CYP20A1: variants seen among roughly 807,000 people sequenced by gnomAD.
CYP20A1 encodes cytochrome P450 family 20 subfamily A member 1, also known as cytochrome P450 20A1.
A neutral mutation model predicts 61.4 loss-of-function variants in CYP20A1; 61 were observed. That is an observed-to-expected ratio of 0.99 (90% CI 0.81 to 1.23). CYP20A1 has a LOEUF of 1.23. Ranked by LOEUF, CYP20A1 falls within the 50% of genes most tolerant of loss-of-function variation. The pLI is 0.00. For missense variants in CYP20A1, 530 were observed against 542.4 expected (o/e 0.98, Z 0.23); for synonymous variants, 193 against 188.2 (o/e 1.03, Z -0.21).
At position 203,296,561 on chromosome 2, in the gene CYP20A1, G is replaced by A. The variant is rs1434148067; in HGVS notation, c.1236G>A (p.Leu412=). ...GFSGTQECPE[L]RFAYMVTTVL... is the part of the protein sequence containing the mutation. ...CAGGCACACAGGAGTGTCCAGAGTT[G>A]AGGTGAATAATAGAATGCCAGACTC... is the stretch of plus-strand genomic sequence containing the variant. Residue 412 remains leucine, a splice_region_variant and synonymous_variant, in exon 12 of 13, where the codon TTG becomes TTA. Coordinates refer to ENST00000356079, the MANE Select transcript of CYP20A1 (RefSeq NM_177538.3). The A allele has an allele frequency of 1.9e-6, 3 of 1,605,390 alleles. No individual in the cohort carries two copies. The East Asian group carries it at 6.7e-5, about 36-fold the overall frequency.
rs1216699078 is a variant in CYP20A1 at position 203,303,332 on chromosome 2, G to GT, written c.*6428dup. 7.2e-5 allele frequency among the ~76,000 whole-genome samples: 11 copies of GT among 151,946 alleles called. No individual in the cohort carries two copies. Among genetic ancestry groups the GT allele is most frequent in the African/African-American group, 2.7e-4 (11 of 41,374 alleles). On this transcript the variant is annotated 3_prime_UTR_variant, in exon 13 of 13. Coordinates refer to ENST00000356079, the MANE Select transcript of CYP20A1 (RefSeq NM_177538.3). ...TTTTTTGTGTTTTTAGTGGAGACAG[G>GT]TTTTCACCATGTTGGCCAGTAGTGT...
At chr2:203,291,126 G>A (rs2068515670) in intron 10 of CYP20A1, among the ~76,000 whole-genome samples, 1 of 152,068 alleles carries the variant, frequency 6.6e-6, no homozygotes, top group Non-Finnish European at 1.5e-5. Flanking sequence ...AGGCTGGAGT[G>A]CAGTGGTGTG....
intron 1 of CYP20A1, among the ~76,000 whole-genome samples, chr2:203,243,503 G>A (rs2066335221): frequency 6.6e-6 from 1 of 151,802 alleles, no homozygotes; most frequent in South Asian, 2.1e-4. Flanking sequence ...TCCCGCCTCA[G>A]CCTCCTGAGT....
chr2:203,255,046 T>TTA (rs1434195511), intron 4 of CYP20A1, among the ~76,000 whole-genome samples: 18 of 152,178 alleles, frequency 1.2e-4, no homozygotes, highest in African/African-American at 4.1e-4. Flanking sequence ...GAATCTCTAA[T>TTA]GTCAATTTTA....
chr2:203,285,547 T>C lies in CYP20A1; in HGVS notation c.851-65T>C. 6 of 1,419,026 alleles carry C rather than the reference T, an allele frequency of 4.2e-6. No homozygotes were observed. In the South Asian group the frequency reaches 1.1e-4, roughly 27 times the overall value. 87.9% of individuals were successfully genotyped at this position (1,419,026 alleles called of 1,614,324 possible). On this transcript the variant is annotated intron_variant, in intron 8 of 12. Transcript: ENST00000356079. Reference sequence around the variant, plus strand: ...TCCCACCCTAAATAAGTAGTTTTTTTCTTATTCTATACCCAAGCCATGAGT... The same window carrying C: ...TCCCACCCTAAATAAGTAGTTTTTTCCTTATTCTATACCCAAGCCATGAGT...
chr2:203,268,067 T>A (rs1223883918), intron 5 of CYP20A1, among the ~76,000 whole-genome samples: 1 of 152,220 alleles, frequency 6.6e-6, no homozygotes, highest in African/African-American at 2.4e-5. Flanking sequence ...TACATCTTGC[T>A]CCACATGCTT....
At chr2:203,277,806 G>A (rs2067886688) in intron 6 of CYP20A1, among the ~76,000 whole-genome samples, 2 of 152,022 alleles carry the variant, frequency 1.3e-5, no homozygotes, top group Admixed American at 6.6e-5. Context: ...GAGCCACTGC[G>A]CCCAGCCTCT....
At chr2:203,294,723 C>T (rs983565313) in intron 11 of CYP20A1, among the ~76,000 whole-genome samples, 1 of 151,296 alleles carries the variant, frequency 6.6e-6, no homozygotes, top group Non-Finnish European at 1.5e-5. Context: ...CAACCTCCGC[C>T]TCCCGGGTTC....
intron 8 of CYP20A1, among the ~76,000 whole-genome samples, chr2:203,281,980 T>C (rs1208054811): frequency 1.3e-5 from 2 of 151,766 alleles, no homozygotes; most frequent in Non-Finnish European, 2.9e-5. Flanking sequence ...GTCCAGATAC[T>C]ATAGATGACT....
chr2:203,269,390 C>T (rs769883342), intron 5 of CYP20A1, among the ~76,000 whole-genome samples: 26 of 151,216 alleles, frequency 1.7e-4, no homozygotes, highest in Non-Finnish European at 3.5e-4. Flanking sequence ...GAGGATCACA[C>T]CACCGCACTC....
intron 4 of CYP20A1, among the ~76,000 whole-genome samples, chr2:203,259,327 T>C (rs1430667812): frequency 8.5e-5 from 13 of 152,204 alleles, no homozygotes; most frequent in Non-Finnish European, 1.8e-4. Context: ...TCATGTTGAA[T>C]TGTAATCCCC....
chr2:203,247,827 A>G (rs1018888469), intron 3 of CYP20A1, among the ~76,000 whole-genome samples: 1 of 152,186 alleles, frequency 6.6e-6, no homozygotes, highest in African/African-American at 2.4e-5. Context: ...ACTGCACTCC[A>G]GCCTGGGCAA....
rs191929033 is a variant in CYP20A1, at chr2:203,295,102, G to A, written c.1149-1372G>A. Reference sequence around the variant, plus strand: ...CTAGTAGCTGGGACTACAGGCACCCGCCACTGTGCCCAGCTAATTTTTTTT... The same window carrying A: ...CTAGTAGCTGGGACTACAGGCACCCACCACTGTGCCCAGCTAATTTTTTTT... On this transcript the variant is annotated intron_variant, in intron 11 of 12. Transcript: ENST00000356079. 1.2e-3 allele frequency among the ~76,000 whole-genome samples: 181 copies of A among 151,152 alleles called. 1 individual carries two copies. Among genetic ancestry groups the A allele is most frequent in the Admixed American group, 0.012 (180 of 15,122 alleles).
chr2:203,254,242 G>C (rs1452371541), intron 4 of CYP20A1, among the ~76,000 whole-genome samples: 1 of 152,110 alleles, frequency 6.6e-6, no homozygotes, highest in East Asian at 1.9e-4. Context: ...ACCGTGCCCG[G>C]CCTTGTTCTT....
intron 5 of CYP20A1, among the ~76,000 whole-genome samples, chr2:203,269,279 ATTTTTTTT>A (rs528970568): frequency 1.6e-5 from 2 of 125,294 alleles, no homozygotes; most frequent in African/African-American, 5.7e-5. Flanking sequence ...CCTGTCTCCA[ATTTTTTTT>A]TTTTTTTTTT....
rs1471473488 is a variant in CYP20A1, at chr2:203,266,629, G to A, written c.548G>A (p.Ser183Asn). ...TCTGTTACACAGATGGTAATGGGTA[G>A]TACATTTGAAGATGATCAGGAAGTC... ...MKSVTQMVMGSTFEDDQEVIR... is the reference protein window; with the variant it reads ...MKSVTQMVMGNTFEDDQEVIR... The change falls in exon 5 of 13, where the codon AGT becomes AAT. Residue 183 changes from serine to asparagine, a missense_variant. Transcript: ENST00000356079. 6.2e-7 allele frequency: 1 copy of A among 1,613,960 alleles called. No homozygotes were observed. Among genetic ancestry groups the A allele is most frequent in the East Asian group, 2.2e-5 (1 of 44,884 alleles).
At chr2:203,254,289 G>T (rs189618189) in intron 4 of CYP20A1, among the ~76,000 whole-genome samples, 39 of 152,220 alleles carry the variant, frequency 2.6e-4, no homozygotes, top group African/African-American at 8.7e-4. Flanking sequence ...TACTTAGAGT[G>T]AATGAATGCA....
rs574682009 is a variant in CYP20A1 at position 203,302,385 on chromosome 2, C to T, written c.*5477C>T. Among the ~76,000 whole-genome samples the T allele has an allele frequency of 6.6e-6, 1 of 152,086 alleles. No homozygotes were observed. Among genetic ancestry groups the T allele is most frequent in the Non-Finnish European group, 1.5e-5 (1 of 68,018 alleles). On this transcript the variant is annotated 3_prime_UTR_variant, in exon 13 of 13. Transcript: ENST00000356079. The stretch of plus-strand genomic sequence containing the variant: ...TTGTTTCTATAAAAAAATATAAAAA[C>T]TTAGCCAGCCTTGGTGGCACCACCT...
chr2:203,251,877 A>T (rs2105912404), intron 3 of CYP20A1, 90 bp from the exon 4 acceptor site: 1 of 1,025,526 alleles, frequency 9.8e-7, no homozygotes, highest in African/African-American at 1.6e-5. Context: ...TTCAGCTACA[A>T]TTCTTTACCT....
Sources: allele counts gnomAD v4.1 joint callset (sites outside exome capture counted in the v4.1 genomes callset), GRCh38; gene constraint gnomAD v4.1.1; transcripts MANE v1.5; gene names NCBI Gene and HGNC (gene_info 2026-07-23, HGNC 2026-07-21).